Variants in CPQ observed in about 807,000 individuals in gnomAD.
The protein encoded by CPQ is carboxypeptidase Q, also known as Ser-Met dipeptidase.
In CPQ, 37 loss-of-function variants were observed where a neutral mutation model predicts 45.7. The observed-to-expected ratio is 0.81, with a 90% confidence interval of 0.62 to 1.07. CPQ has a LOEUF of 1.07. Ranked by LOEUF, CPQ falls within the 50% of genes least tolerant of loss-of-function variation. CPQ has a pLI of 0.00. For missense variants in CPQ, 537 were observed against 572.9 expected (o/e 0.94, Z 0.64); for synonymous variants, 186 against 205.8 (o/e 0.90, Z 0.82).
chr8:96,975,569 A>C (rs1813762163), intron 5 of CPQ, among the ~76,000 whole-genome samples: 1 of 152,108 alleles, frequency 6.6e-6, no homozygotes, highest in Non-Finnish European at 1.5e-5. Context: ...AATATCCCTG[A>C]TGAACGTAGA....
intron 7 of CPQ, among the ~76,000 whole-genome samples, chr8:97,116,138 T>C (rs1476687340): frequency 6.6e-6 from 1 of 152,104 alleles, no homozygotes; most frequent in Non-Finnish European, 1.5e-5. Flanking sequence ...TAGGAAAAGT[T>C]AAGACCAAAG....
chr8:96,773,611 T>C (rs1274641094), intron 1 of CPQ, among the ~76,000 whole-genome samples: 1 of 152,216 alleles, frequency 6.6e-6, no homozygotes, highest in Non-Finnish European at 1.5e-5. Flanking sequence ...AAGAATTATT[T>C]TGAAGACTAG....
chr8:97,131,288 A>C (rs1011278810), intron 7 of CPQ, among the ~76,000 whole-genome samples: 2 of 152,222 alleles, frequency 1.3e-5, no homozygotes, highest in Admixed American at 6.5e-5. Context: ...TCTGACACAT[A>C]AGCAAATATG....
chr8:97,068,004 G>C lies in CPQ; in HGVS notation c.1255+1794G>C, dbSNP rs191601191. ...GGTAGCTGTGAGGAAAAGACTGGTA[G>C]ACTGTGGGTGAATGAGAGTGCAGAC... On this transcript the variant is annotated intron_variant, in intron 7 of 7. Coordinates refer to ENST00000220763, the MANE Select transcript of CPQ (RefSeq NM_016134.4). Among the ~76,000 whole-genome samples, 6 of 152,290 alleles carry C rather than the reference G, an allele frequency of 3.9e-5. No individual in the cohort carries two copies. The East Asian group carries it at 1.2e-3, about 29-fold the overall frequency.
chr8:96,921,789 A>G (rs1401929058), intron 4 of CPQ, among the ~76,000 whole-genome samples: 1 of 152,150 alleles, frequency 6.6e-6, no homozygotes, highest in African/African-American at 2.4e-5. Context: ...TGTGCCTCAA[A>G]ATAATATAGT....
At chr8:97,008,053 C>T (rs1270452415) in intron 5 of CPQ, among the ~76,000 whole-genome samples, 1 of 152,056 alleles carries the variant, frequency 6.6e-6, no homozygotes, top group Non-Finnish European at 1.5e-5. Flanking sequence ...ATTATGTGTG[C>T]TGGGATGGTG....
intron 1 of CPQ, among the ~76,000 whole-genome samples, chr8:96,716,491 T>G (rs905602845): frequency 6.6e-6 from 1 of 152,186 alleles, no homozygotes; most frequent in African/African-American, 2.4e-5. Flanking sequence ...TTCCACCCTT[T>G]CCTTGGAGTT....
At chr8:96,956,555 A>G (rs1813360643) in intron 4 of CPQ, among the ~76,000 whole-genome samples, 1 of 152,124 alleles carries the variant, frequency 6.6e-6, no homozygotes, top group South Asian at 2.1e-4. Flanking sequence ...GGAAAAGAAG[A>G]GTTTTTCATT....
chr8:96,809,533 A>G (rs889504110), intron 2 of CPQ, among the ~76,000 whole-genome samples: 2 of 152,170 alleles, frequency 1.3e-5, no homozygotes, highest in Non-Finnish European at 2.9e-5. Flanking sequence ...AAATTCTATC[A>G]AAGGCAAAAC....
intron 5 of CPQ, among the ~76,000 whole-genome samples, chr8:96,992,076 A>G (rs1003154239): frequency 2.6e-5 from 4 of 152,196 alleles, no homozygotes; most frequent in South Asian, 2.1e-4. Flanking sequence ...TGTGGCAGCA[A>G]TCATCAACAG....
intron 4 of CPQ, among the ~76,000 whole-genome samples, chr8:96,924,467 A>G (rs529429018): frequency 1.4e-4 from 21 of 152,342 alleles, no homozygotes; most frequent in African/African-American, 4.8e-4. Context: ...GCTGACATTA[A>G]TCATGCCCAT....
chr8:96,794,109 G>A (rs1309397769), intron 2 of CPQ, among the ~76,000 whole-genome samples: 1 of 152,230 alleles, frequency 6.6e-6, no homozygotes, highest in African/African-American at 2.4e-5. Context: ...TGGTGCCACA[G>A]TAGGGACTCT....
intron 1 of CPQ, among the ~76,000 whole-genome samples, chr8:96,668,137 G>A (rs1173028977): frequency 1.3e-5 from 2 of 152,214 alleles, no homozygotes; most frequent in East Asian, 3.8e-4. Flanking sequence ...TGGACTGACA[G>A]ATGTTGAAAC....
intron 4 of CPQ, among the ~76,000 whole-genome samples, chr8:96,908,052 T>A (rs1812601279): frequency 1.3e-5 from 2 of 152,014 alleles, no homozygotes; most frequent in Admixed American, 6.6e-5. Flanking sequence ...AGGCTCCACC[T>A]GTCCCTTCAT....
intron 4 of CPQ, among the ~76,000 whole-genome samples, chr8:96,918,839 G>T (rs936513075): frequency 1.3e-5 from 2 of 152,066 alleles, no homozygotes; most frequent in Non-Finnish European, 2.9e-5. Flanking sequence ...GCCTCATTGG[G>T]CATGAAGGGC....
chr8:96,821,534 T>G (rs1253418513), intron 2 of CPQ, among the ~76,000 whole-genome samples: 1 of 151,928 alleles, frequency 6.6e-6, no homozygotes, highest in Non-Finnish European at 1.5e-5. Context: ...TAGGGGCTCT[T>G]TTAAAACTGA....
chr8:96,734,002 T>C (rs1809946237), intron 1 of CPQ, among the ~76,000 whole-genome samples: 1 of 152,256 alleles, frequency 6.6e-6, no homozygotes, highest in Non-Finnish European at 1.5e-5. Flanking sequence ...AATTCAGTAG[T>C]TGGCCCTGAC....
chr8:96,844,819 C>T (rs557012301), intron 3 of CPQ, among the ~76,000 whole-genome samples: 2 of 152,242 alleles, frequency 1.3e-5, no homozygotes, highest in East Asian at 1.9e-4. Context: ...CTCCCGATTT[C>T]GGGAGCCCAC....
intron 6 of CPQ, among the ~76,000 whole-genome samples, chr8:97,062,157 A>G (rs1415899127): frequency 2.0e-5 from 3 of 152,202 alleles, no homozygotes; most frequent in South Asian, 2.1e-4. Flanking sequence ...TAATGAACAC[A>G]TTATTAGAAG....
Sources: gnomAD v4.1 joint callset for allele counts (sites outside exome capture counted in the v4.1 genomes callset) on GRCh38, gnomAD v4.1.1 for gene constraint, MANE v1.5 for transcripts, NCBI Gene and HGNC (gene_info 2026-07-23, HGNC 2026-07-21) for gene names.